Variants in CNTN4 observed in about 807,000 individuals in gnomAD.
CNTN4 encodes the protein contactin 4, also known as contactin-4.
In CNTN4, 77 loss-of-function variants were observed where a neutral mutation model predicts 122.5. The observed-to-expected ratio is 0.63, with a 90% CI of 0.52 to 0.76. CNTN4 has a LOEUF of 0.76. Among genes scored for constraint, CNTN4 ranks in the 30% least tolerant of loss-of-function variants. The pLI is 0.00. For missense variants in CNTN4, 1,256 were observed against 1,259.1 expected (o/e 1.00, Z 0.04); for synonymous variants, 512 against 447.0 (o/e 1.15, Z -1.83).
intron 14 of CNTN4, among the ~76,000 whole-genome samples, chr3:2,992,839 A>G (rs1217620723): frequency 6.6e-6 from 1 of 152,172 alleles, no homozygotes; most frequent in African/African-American, 2.4e-5. Context: ...TCCTACACCA[A>G]AGAACTTCGT....
chr3:2,580,112 G>T (rs1296867528), intron 4 of CNTN4, among the ~76,000 whole-genome samples: 1 of 152,044 alleles, frequency 6.6e-6, no homozygotes, highest in Non-Finnish European at 1.5e-5. Flanking sequence ...ACTCAGGAAG[G>T]TCTGTCTTAG....
At chr3:2,886,603 C>T (rs1401147369) in intron 9 of CNTN4, among the ~76,000 whole-genome samples, 1 of 150,302 alleles carries the variant, frequency 6.7e-6, no homozygotes, top group Non-Finnish European at 1.5e-5. Context: ...CCTCCGCTTC[C>T]CAGGTTCAAG....
chr3:2,439,078 T>TA (rs2151268582), intron 3 of CNTN4, among the ~76,000 whole-genome samples: 1 of 152,290 alleles, frequency 6.6e-6, no homozygotes, highest in African/African-American at 2.4e-5. Context: ...TGGAGATCCT[T>TA]AAGGATTACT....
chr3:2,839,340 A>C (rs2093300796), intron 7 of CNTN4, among the ~76,000 whole-genome samples: 1 of 152,062 alleles, frequency 6.6e-6, no homozygotes, highest in Non-Finnish European at 1.5e-5. Context: ...CCTTAGATGC[A>C]GATAAAAAGC....
chr3:2,245,306 A>G (rs1289481113), intron 2 of CNTN4, among the ~76,000 whole-genome samples: 1 of 152,100 alleles, frequency 6.6e-6, no homozygotes, highest in Non-Finnish European at 1.5e-5. Context: ...CAAAATAGAC[A>G]GATTGGTGCA....
intron 10 of CNTN4, among the ~76,000 whole-genome samples, chr3:2,900,116 A>T (rs1415413370): frequency 6.6e-6 from 1 of 152,168 alleles, no homozygotes. Flanking sequence ...TTTTCATCCT[A>T]TGTAGCTTCC....
At chr3:2,928,164 C>T (rs1313123784) in intron 13 of CNTN4, among the ~76,000 whole-genome samples, 1 of 152,176 alleles carries the variant, frequency 6.6e-6, no homozygotes, top group African/African-American at 2.4e-5. Flanking sequence ...TTTGAGCTTC[C>T]ATTTTTTAAA....
chr3:2,862,750 A>G (rs1003445408), intron 7 of CNTN4, among the ~76,000 whole-genome samples: 1 of 149,146 alleles, frequency 6.7e-6, no homozygotes, highest in Non-Finnish European at 1.5e-5. Flanking sequence ...GCAGCACAGA[A>G]AAGTTTATTT....
intron 12 of CNTN4, among the ~76,000 whole-genome samples, chr3:2,903,679 C>G (rs2094199473): frequency 6.6e-6 from 1 of 152,174 alleles, no homozygotes; most frequent in South Asian, 2.1e-4. Flanking sequence ...TCAACTATTC[C>G]TATTACAGAT....
intron 2 of CNTN4, among the ~76,000 whole-genome samples, chr3:2,332,721 TG>T (rs2043783033): frequency 4.5e-5 from 2 of 44,280 alleles, no homozygotes; most frequent in African/African-American, 2.2e-4. Flanking sequence ...GGGACTGTTG[TG>T]GGGTGGGGGG....
intron 2 of CNTN4, among the ~76,000 whole-genome samples, chr3:2,292,222 C>G (rs576729913): frequency 7.9e-5 from 12 of 152,154 alleles, no homozygotes; most frequent in Non-Finnish European, 8.8e-5. Context: ...CTGGATTCTT[C>G]TCTAATAGTG....
chr3:2,404,446 C>A (rs561391480), intron 3 of CNTN4, among the ~76,000 whole-genome samples: 1 of 152,200 alleles, frequency 6.6e-6, no homozygotes, highest in East Asian at 1.9e-4. Context: ...GCTCGCATAC[C>A]CTGGCTGCTG....
intron 2 of CNTN4, among the ~76,000 whole-genome samples, chr3:2,152,664 T>C (rs1024069158): frequency 2.6e-5 from 4 of 151,922 alleles, no homozygotes; most frequent in Admixed American, 6.6e-5. Context: ...TGGAACAGGA[T>C]TGGATGAGGT....
chr3:2,635,119 C>G (rs935212581), intron 4 of CNTN4, among the ~76,000 whole-genome samples: 1 of 152,030 alleles, frequency 6.6e-6, no homozygotes, highest in Non-Finnish European at 1.5e-5. Flanking sequence ...CTGTATTACA[C>G]TTAAACTGAA....
At chr3:2,780,745 C>T (rs1180874152) in intron 6 of CNTN4, among the ~76,000 whole-genome samples, 7 of 152,060 alleles carry the variant, frequency 4.6e-5, no homozygotes, top group East Asian at 1.9e-4. Context: ...ATTCCACGCC[C>T]GTATGGATGA....
chr3:3,039,750 G>GTTT (rs34794867), intron 19 of CNTN4: 39 of 362,722 alleles, frequency 1.1e-4, no homozygotes, highest in Middle Eastern at 8.3e-4. Context: ...GATGTCCAGT[G>GTTT]TTTTTTTTTT....
intron 3 of CNTN4, among the ~76,000 whole-genome samples, chr3:2,429,089 G>T (rs2047957704): frequency 6.6e-6 from 1 of 152,212 alleles, no homozygotes; most frequent in East Asian, 1.9e-4. Flanking sequence ...ACTTGTCAAA[G>T]TAATTCTCCA....
intron 2 of CNTN4, among the ~76,000 whole-genome samples, chr3:2,327,051 G>A (rs2043491733): frequency 6.6e-6 from 1 of 152,120 alleles, no homozygotes; most frequent in South Asian, 2.1e-4. Flanking sequence ...CTACCCTGGA[G>A]TTCAGTTAAG....
chr3:2,555,340 C>T lies in CNTN4; in HGVS notation c.-88-16076C>T, dbSNP rs542224925. Among the ~76,000 whole-genome samples the T allele has an allele frequency of 4.7e-4, 71 of 152,102 alleles. 1 individual carries two copies. Among genetic ancestry groups the T allele is most frequent in the Non-Finnish European group, 8.8e-4 (60 of 68,036 alleles). ...CGTTGGCCTTATTCTGCTTTTTCCT[C>T]GGTAATTAAATCCATTGTAGTTTAA... On this transcript the variant is annotated intron_variant, in intron 3 of 24. Coordinates refer to ENST00000418658, the MANE Select transcript of CNTN4 (RefSeq NM_175607.3).
Sources: gnomAD v4.1 joint callset for allele counts (sites outside exome capture counted in the v4.1 genomes callset) on GRCh38, gnomAD v4.1.1 for gene constraint, MANE v1.5 for transcripts, NCBI Gene and HGNC (gene_info 2026-07-23, HGNC 2026-07-21) for gene names.